Variants in RASSF8 observed in about 807,000 individuals in gnomAD.
RASSF8 encodes the protein Ras association domain family member 8, also known as ras association domain-containing protein 8.
RASSF8 carries 22 observed loss-of-function variants against 48.5 expected under a neutral mutation model. The observed-to-expected ratio is 0.45, with a 90% confidence interval of 0.32 to 0.65. RASSF8 has a LOEUF of 0.65. Among genes scored for constraint, RASSF8 ranks in the 30% least tolerant of loss-of-function variants. RASSF8 has a pLI of 0.03. For synonymous variants in RASSF8, 127 were observed against 171.5 expected (o/e 0.74, Z 2.03); for missense variants, 418 against 489.2 (o/e 0.85, Z 1.37).
intron 3 of RASSF8, among the ~76,000 whole-genome samples, chr12:26,058,521 CA>C (rs1261806004): frequency 8.6e-6 from 1 of 115,902 alleles, no homozygotes; most frequent in Non-Finnish European, 1.8e-5. Flanking sequence ...GCACTACACA[CA>C]TGCGCACGCG....
At chr12:26,073,772 C>T (rs1399583020), downstream of RASSF8, among the ~76,000 whole-genome samples, 2 of 133,366 alleles carry the variant, frequency 1.5e-5, no homozygotes, top group East Asian at 4.3e-4. Context: ...CACACACACA[C>T]ACACATATAT....
At chr12:25,983,992 T>G (rs937236601) in intron 1 of RASSF8, among the ~76,000 whole-genome samples, 5 of 152,222 alleles carry the variant, frequency 3.3e-5, no homozygotes, top group African/African-American at 1.2e-4. Context: ...GTAGTATGAT[T>G]CCATTCATAT....
At chr12:25,988,721 C>A (rs1941946050) in intron 1 of RASSF8, among the ~76,000 whole-genome samples, 1 of 152,124 alleles carries the variant, frequency 6.6e-6, no homozygotes, top group Non-Finnish European at 1.5e-5. Flanking sequence ...TGGCCTTCCT[C>A]TGGTTCTCAT....
chr12:26,005,519 A>G (rs187975845), intron 2 of RASSF8, among the ~76,000 whole-genome samples: 5 of 152,312 alleles, frequency 3.3e-5, no homozygotes, highest in Non-Finnish European at 7.4e-5. Context: ...GAAAATGTAA[A>G]AATAAGACAA....
chr12:25,974,132 C>T (rs1355752360), intron 1 of RASSF8, among the ~76,000 whole-genome samples: 4 of 151,634 alleles, frequency 2.6e-5, no homozygotes, highest in Non-Finnish European at 4.4e-5. Context: ...TGTTGAGGCC[C>T]CCACTGAGGT....
At chr12:26,078,895 C>T in intron 5 of RASSF8, 1 of 652,084 alleles carries the variant, frequency 1.5e-6, no homozygotes, top group Non-Finnish European at 2.3e-6. Context: ...CTAGAAGGTT[C>T]TCAAAAAAAA....
Position 26,070,120 on chromosome 12 carries a change from A to G in RASSF8, c.*1302A>G. The G allele has an allele frequency of 1.0e-6, 1 of 971,514 alleles. No homozygotes were observed. The highest frequency in any genetic ancestry group is 1.2e-6 in the Non-Finnish European group (1 of 817,248). The allele number at this position is 971,514 out of a possible 1,614,324, so 60.2% of individuals were successfully genotyped here. The stretch of plus-strand genomic sequence containing the variant: ...CATTCCCTCTGGTTAGATTTGGTAC[A>G]GTATAATTAAGACTTTAATCTGAAA... On this transcript the variant is annotated 3_prime_UTR_variant, in exon 6 of 6. Coordinates refer to ENST00000689635, the MANE Select transcript of RASSF8 (RefSeq NM_001394098.1).
chr12:26,002,446 C>CAA (rs575846367), intron 2 of RASSF8, among the ~76,000 whole-genome samples: 1 of 148,156 alleles, frequency 6.7e-6, no homozygotes, highest in South Asian at 2.1e-4. Context: ...AACAAACAAA[C>CAA]AAAAAAAAAC....
At chr12:26,067,972 T>C (rs1044579460) in intron 5 of RASSF8, among the ~76,000 whole-genome samples, 2 of 152,128 alleles carry the variant, frequency 1.3e-5, no homozygotes, top group Admixed American at 1.3e-4. Flanking sequence ...GGTTTCATCA[T>C]ATTGCCCAGA....
chr12:26,075,369 G>C (rs1211354026), downstream of RASSF8, among the ~76,000 whole-genome samples: 1 of 152,194 alleles, frequency 6.6e-6, no homozygotes, highest in Non-Finnish European at 1.5e-5. Context: ...ATGTATTCAA[G>C]AGGTGGGCCT....
intron 2 of RASSF8, among the ~76,000 whole-genome samples, chr12:26,023,541 C>T (rs1436137195): frequency 1.3e-5 from 2 of 152,056 alleles, no homozygotes; most frequent in South Asian, 4.1e-4. Flanking sequence ...GAACACATTT[C>T]CAGATCAACT....
At position 26,068,691 on chromosome 12, in the gene RASSF8, G is replaced by A; in HGVS notation, c.1139-6G>A. On this transcript the variant is annotated splice_region_variant and splice_polypyrimidine_tract_variant and intron_variant, in intron 5 of 5. Transcript: ENST00000689635. ...CATCAGGTGGCTCTCTTTGTTTCCT[G>A]TTTAGAGGCACCATTCCAGTCTGGG... 6.5e-7 allele frequency: 1 copy of A among 1,536,246 alleles called. No individual in the cohort carries two copies. Among genetic ancestry groups the A allele is most frequent in the Non-Finnish European group, 8.7e-7 (1 of 1,145,970 alleles).
Position 26,068,943 on chromosome 12 carries a change from A to T in RASSF8, c.*125A>T, listed in dbSNP as rs1943942824. 3 of 1,443,498 alleles carry T rather than the reference A, an allele frequency of 2.1e-6. No homozygotes were observed. The highest frequency in any genetic ancestry group is 2.4e-5 in the Admixed American group (1 of 40,848). 89.4% of individuals were successfully genotyped at this position (1,443,498 alleles called of 1,614,324 possible). ...GACGCTGTATGTTTTTTCTCTCCTA[A>T]ATTGCATACCACTTGGAGCCATACC... On this transcript the variant is annotated 3_prime_UTR_variant, in exon 6 of 6. Transcript: ENST00000689635.
At chr12:25,969,068 GC>G (rs1367938820) in intron 1 of RASSF8, among the ~76,000 whole-genome samples, 6 of 152,232 alleles carry the variant, frequency 3.9e-5, no homozygotes, top group Admixed American at 1.3e-4. Context: ...TGCGGGTAAG[GC>G]TGGGGGGAGC....
intron 3 of RASSF8, among the ~76,000 whole-genome samples, chr12:26,060,099 G>A (rs187028520): frequency 7.2e-5 from 11 of 152,186 alleles, no homozygotes; most frequent in Admixed American, 2.6e-4. Flanking sequence ...GGGTTTCACC[G>A]TGTTAGCCAG....
intron 1 of RASSF8, among the ~76,000 whole-genome samples, chr12:25,993,488 A>G (rs76250589): frequency 0.056 from 8,507 of 152,296 alleles, 311 homozygotes; most frequent in Middle Eastern, 0.095. Context: ...ATTTAGGTAA[A>G]TAAGAATAGT....
chr12:26,050,779 A>T (rs993612839), intron 2 of RASSF8, among the ~76,000 whole-genome samples: 3 of 152,242 alleles, frequency 2.0e-5, no homozygotes, highest in Non-Finnish European at 2.9e-5. Context: ...ATTGATGCTG[A>T]AAAAGGAACC....
At chr12:25,992,963 T>G (rs1412606292) in intron 1 of RASSF8, among the ~76,000 whole-genome samples, 1 of 152,208 alleles carries the variant, frequency 6.6e-6, no homozygotes, top group Non-Finnish European at 1.5e-5. Context: ...TTTGGTTTGT[T>G]AGTTTTTGTA....
intron 2 of RASSF8, among the ~76,000 whole-genome samples, chr12:26,005,965 G>T (rs924270402): frequency 6.6e-6 from 1 of 152,196 alleles, no homozygotes; most frequent in Admixed American, 6.5e-5. Flanking sequence ...ACTTCAATGT[G>T]TAGTCTTCGG....
Sources: gnomAD v4.1 joint callset for allele counts (sites outside exome capture counted in the v4.1 genomes callset) on GRCh38, gnomAD v4.1.1 for gene constraint, MANE v1.5 for transcripts, NCBI Gene and HGNC (gene_info 2026-07-23, HGNC 2026-07-21) for gene names.